PACRG: variants seen among roughly 807,000 people sequenced by gnomAD.
PACRG encodes parkin coregulated gene protein.
PACRG carries 29 observed loss-of-function variants against 29.7 expected under a neutral mutation model. The ratio of observed to expected loss-of-function variants is 0.98; its 90% CI spans 0.73 to 1.33. PACRG has a LOEUF of 1.33. Among genes scored for constraint, PACRG ranks in the 40% most tolerant of loss-of-function variants. PACRG has a pLI of 0.00. For synonymous variants in PACRG, 116 were observed against 118.7 expected (o/e 0.98, Z 0.15); for missense variants, 279 against 316.2 (o/e 0.88, Z 0.89).
chr6:162,948,098 G>A (rs969384921), intron 2 of PACRG, among the ~76,000 whole-genome samples: 1 of 151,924 alleles, frequency 6.6e-6, no homozygotes, highest in Admixed American at 6.6e-5. Context: ...GCAATCCTGA[G>A]CAAAAAGAAC....
At chr6:162,907,671 T>G (rs995588857) in intron 2 of PACRG, among the ~76,000 whole-genome samples, 5 of 152,070 alleles carry the variant, frequency 3.3e-5, no homozygotes, top group East Asian at 1.9e-4. Flanking sequence ...TTAAGAAAGA[T>G]TCACACATAA....
At chr6:163,092,151 G>T (rs574171873) in intron 4 of PACRG, among the ~76,000 whole-genome samples, 1 of 152,094 alleles carries the variant, frequency 6.6e-6, no homozygotes, top group Non-Finnish European at 1.5e-5. Context: ...CAAATAAAAT[G>T]ACCTGTCTGT....
At chr6:163,070,392 AG>A (rs2128278175) in intron 3 of PACRG, among the ~76,000 whole-genome samples, 1 of 152,248 alleles carries the variant, frequency 6.6e-6, no homozygotes, top group East Asian at 1.9e-4. Context: ...TAGAAAAAAA[AG>A]TTAAAAAGCA....
chr6:162,912,931 A>C (rs911430715), intron 2 of PACRG, among the ~76,000 whole-genome samples: 1 of 152,060 alleles, frequency 6.6e-6, no homozygotes, highest in Non-Finnish European at 1.5e-5. Flanking sequence ...ACAAAAAAAA[A>C]AAAAACAAAA....
intron 2 of PACRG, among the ~76,000 whole-genome samples, chr6:162,960,577 G>A (rs867098743): frequency 2.6e-5 from 4 of 152,160 alleles, no homozygotes; most frequent in African/African-American, 9.7e-5. Context: ...ACGTAAACAT[G>A]GGGACAACTG....
At chr6:162,968,091 A>G (rs1170475112) in intron 2 of PACRG, among the ~76,000 whole-genome samples, 1 of 152,188 alleles carries the variant, frequency 6.6e-6, no homozygotes, top group Non-Finnish European at 1.5e-5. Flanking sequence ...GCCAAGCTGT[A>G]TTCCAGACTG....
intron 4 of PACRG, among the ~76,000 whole-genome samples, chr6:163,281,482 G>T (rs1454318199): frequency 6.6e-6 from 1 of 152,032 alleles, no homozygotes; most frequent in African/African-American, 2.4e-5. Flanking sequence ...GGACAGTAAG[G>T]CCAGATCAAA....
At chr6:162,752,386 G>A (rs1201665581) in intron 1 of PACRG, among the ~76,000 whole-genome samples, 2 of 152,126 alleles carry the variant, frequency 1.3e-5, no homozygotes, top group Non-Finnish European at 2.9e-5. Flanking sequence ...CAAGAGTTGG[G>A]GGAGTTAGGA....
intron 4 of PACRG, among the ~76,000 whole-genome samples, chr6:163,113,954 A>C (rs1815845828): frequency 6.6e-6 from 1 of 152,242 alleles, no homozygotes; most frequent in African/African-American, 2.4e-5. Flanking sequence ...TTGGACATAC[A>C]TACAGTGTAT....
intron 2 of PACRG, among the ~76,000 whole-genome samples, chr6:162,886,481 G>T (rs370542985): frequency 6.6e-6 from 1 of 152,114 alleles, no homozygotes; most frequent in African/African-American, 2.4e-5. Context: ...CACATGGCAC[G>T]CGTCTCCTGG....
chr6:163,056,587 T>C (rs1585110135), intron 2 of PACRG, among the ~76,000 whole-genome samples: 1 of 152,156 alleles, frequency 6.6e-6, no homozygotes, highest in South Asian at 2.1e-4. Context: ...TCCTGAACCA[T>C]TACCCCCCAG....
At chr6:162,817,586 C>T (rs1403239792) in intron 2 of PACRG, among the ~76,000 whole-genome samples, 1 of 152,204 alleles carries the variant, frequency 6.6e-6, no homozygotes, top group Non-Finnish European at 1.5e-5. Context: ...TAATATGGTA[C>T]AATTGGCCAT....
intron 2 of PACRG, among the ~76,000 whole-genome samples, chr6:162,933,876 G>A (rs1357820229): frequency 1.3e-5 from 2 of 152,168 alleles, no homozygotes; most frequent in Non-Finnish European, 2.9e-5. Context: ...GAACATGTGT[G>A]TGCAGAGATT....
chr6:162,807,196 T>C (rs1786423142), intron 1 of PACRG, among the ~76,000 whole-genome samples: 1 of 152,226 alleles, frequency 6.6e-6, no homozygotes, highest in Non-Finnish European at 1.5e-5. Flanking sequence ...TTTGATCTTC[T>C]ATCCAGACCA....
At chr6:162,965,898 C>G (rs1355765392) in intron 2 of PACRG, among the ~76,000 whole-genome samples, 1 of 152,200 alleles carries the variant, frequency 6.6e-6, no homozygotes, top group Non-Finnish European at 1.5e-5. Flanking sequence ...TAAAGCTGGA[C>G]TAGAGGGCTT....
At chr6:163,165,979 A>G (rs989808727) in intron 4 of PACRG, 12 of 409,202 alleles carry the variant, frequency 2.9e-5, no homozygotes, top group African/African-American at 2.5e-4. Flanking sequence ...TGATTCTAAT[A>G]TAATACAATT....
At chr6:163,033,129 A>C (rs1316598407) in intron 2 of PACRG, among the ~76,000 whole-genome samples, 2 of 152,202 alleles carry the variant, frequency 1.3e-5, no homozygotes, top group Non-Finnish European at 2.9e-5. Context: ...CCAAAAACAC[A>C]TTTCACTTTT....
chr6:163,118,220 G>A (rs145913984), intron 4 of PACRG, among the ~76,000 whole-genome samples: 82 of 152,326 alleles, frequency 5.4e-4, no homozygotes, highest in African/African-American at 1.9e-3. Flanking sequence ...TAGGGGTGAC[G>A]TCTGGAGAGA....
rs372223149 is a variant in PACRG at position 163,266,200 on chromosome 6, T to A, written c.614-48627T>A. Among the ~76,000 whole-genome samples, 58 of 152,334 alleles carry A rather than the reference T, an allele frequency of 3.8e-4. 2 individuals are homozygous for A. The South Asian group carries it at 0.012, about 32-fold the overall frequency. On this transcript the variant is annotated intron_variant, in intron 4 of 4. Coordinates refer to ENST00000366888, the MANE Select transcript of PACRG (RefSeq NM_001080379.2). ...AATTACAAACTTTGTGAATGGGAAG[T>A]GGAAATGTCCATTCTTTATTCTTTC...
Sources: allele counts gnomAD v4.1 joint callset (sites outside exome capture counted in the v4.1 genomes callset), GRCh38; gene constraint gnomAD v4.1.1; transcripts MANE v1.5; gene names NCBI Gene and HGNC (gene_info 2026-07-23, HGNC 2026-07-21).